CPNE5: variants seen among roughly 807,000 people sequenced by gnomAD.
CPNE5 encodes the protein copine 5.
Under a neutral mutation model 81.1 loss-of-function variants are expected in CPNE5, and 42 were observed. The observed-to-expected ratio is 0.52, with a 90% confidence interval of 0.40 to 0.67. The LOEUF is 0.67. Among genes scored for constraint, CPNE5 ranks in the 30% least tolerant of loss-of-function variants. The pLI is 0.00. For missense variants in CPNE5, 612 were observed against 815.5 expected (o/e 0.75, Z 3.04); for synonymous variants, 313 against 321.5 (o/e 0.97, Z 0.28).
chr6:36,783,964 T>C (rs1233754521), intron 8 of CPNE5, among the ~76,000 whole-genome samples: 2 of 152,228 alleles, frequency 1.3e-5, no homozygotes, highest in African/African-American at 2.4e-5. Context: ...TGACCTCAAG[T>C]CATCAAGATA....
chr6:36,787,511 C>G (rs1376827439), intron 8 of CPNE5, among the ~76,000 whole-genome samples: 1 of 152,082 alleles, frequency 6.6e-6, no homozygotes, highest in African/African-American at 2.4e-5. Context: ...ACACATTTTC[C>G]TTCGGGATAG....
At chr6:36,757,251 T>G in intron 12 of CPNE5, 1 of 855,852 alleles carries the variant, frequency 1.2e-6, no homozygotes, top group Non-Finnish European at 1.4e-6. Flanking sequence ...TTTTCCCTAA[T>G]GTCCCATCAA....
chr6:36,759,538 C>A (rs1218946666), intron 12 of CPNE5, among the ~76,000 whole-genome samples: 1 of 151,960 alleles, frequency 6.6e-6, no homozygotes, highest in East Asian at 1.9e-4. Context: ...TGCAACACAA[C>A]CCCCACCCTG....
chr6:36,792,385 T>G (rs771464045), intron 7 of CPNE5: 1 of 1,474,300 alleles, frequency 6.8e-7, no homozygotes, highest in South Asian at 1.2e-5. Flanking sequence ...TGGAAAAGCA[T>G]CCAGACTCAC....
chr6:36,805,107 GA>G (rs1162354937), intron 3 of CPNE5, among the ~76,000 whole-genome samples: 2 of 152,166 alleles, frequency 1.3e-5, no homozygotes, highest in African/African-American at 2.4e-5. Flanking sequence ...GAACACAACT[GA>G]AGAGACGTTG....
intron 14 of CPNE5, 37 bp downstream of exon 14, chr6:36,752,997 C>T: frequency 6.4e-7 from 1 of 1,559,748 alleles, no homozygotes; most frequent in Non-Finnish European, 8.8e-7. Flanking sequence ...CTTTCCCTCT[C>T]CCCAAGGCCC....
chr6:36,777,067 A>G (rs1767573441), intron 9 of CPNE5, among the ~76,000 whole-genome samples: 1 of 152,180 alleles, frequency 6.6e-6, no homozygotes, highest in African/African-American at 2.4e-5. Flanking sequence ...CACACTTGGA[A>G]TGAAACTTGC....
rs9380597 is a variant in CPNE5 at position 36,761,790 on chromosome 6, A to T, written c.855+1127T>A. 5.0e-3 allele frequency among the ~76,000 whole-genome samples: 754 copies of T among 152,098 alleles called. 4 individuals are homozygous for T. Among genetic ancestry groups the T allele is most frequent in the African/African-American group, 0.017 (700 of 41,468 alleles). On this transcript the variant is annotated intron_variant, in intron 12 of 20. Transcript: ENST00000244751. ...TAAGTGGTAGAGTCAGGATACGAAC[A>T]CAAGCAGTTATTTGGGTTATAAGTA...
chr6:36,763,759 A>G (rs1766284262), intron 11 of CPNE5, among the ~76,000 whole-genome samples: 1 of 152,240 alleles, frequency 6.6e-6, no homozygotes, highest in Non-Finnish European at 1.5e-5. Context: ...CATTAGCAAA[A>G]CATAGATGAA....
At chr6:36,834,254 C>CAAAAA (rs1157250827) in intron 1 of CPNE5, among the ~76,000 whole-genome samples, 1 of 21,684 alleles carries the variant, frequency 4.6e-5, no homozygotes, top group Non-Finnish European at 6.4e-5. Flanking sequence ...GACTGTATCT[C>CAAAAA]AAAAAAAAAA....
rs181411764 is a variant in CPNE5, at chr6:36,823,326, T to A, written c.96-228A>T. On this transcript the variant is annotated intron_variant, in intron 1 of 20. Coordinates refer to ENST00000244751, the MANE Select transcript of CPNE5 (RefSeq NM_020939.2). ...CAGAACTCCCTACCTCCCACCCCTA[T>A]CATCACCACAAGCACTCCGGGTAGG... is the stretch of plus-strand genomic sequence containing the variant. 3.3e-4 allele frequency among the ~76,000 whole-genome samples: 51 copies of A among 152,260 alleles called. 2 individuals are homozygous for A. The East Asian group carries it at 7.5e-3, about 22-fold the overall frequency.
At chr6:36,794,453 C>T in intron 7 of CPNE5, 137 bp downstream of exon 7, 1 of 784,298 alleles carries the variant, frequency 1.3e-6, no homozygotes, top group Non-Finnish European at 2.1e-6. Context: ...TAAGGAGGAA[C>T]CCAGGACTCT....
rs139951579 is a variant in CPNE5 at position 36,763,130 on chromosome 6, G to A, written c.780-138C>T. 1,514 of 742,570 alleles carry A rather than the reference G, an allele frequency of 2.0e-3. 9 individuals carry two copies. The African/African-American group carries it at 0.023, about 11-fold the overall frequency. 46.0% of individuals were successfully genotyped at this position (742,570 alleles called of 1,614,324 possible). On this transcript the variant is annotated intron_variant, in intron 11 of 20. Coordinates refer to ENST00000244751, the MANE Select transcript of CPNE5 (RefSeq NM_020939.2). ...TCCAGGGGCACACGCCAGCAGACAG[G>A]CTGGGTCCGTGGGAAGAGAGCCCAG...
At chr6:36,819,010 G>A (rs1158306379) in intron 3 of CPNE5, among the ~76,000 whole-genome samples, 1 of 152,214 alleles carries the variant, frequency 6.6e-6, no homozygotes, top group African/African-American at 2.4e-5. Context: ...TAGCAATCTG[G>A]TTTATGCTTT....
In CPNE5 at chr6:36,742,976, C is replaced by A. The variant is rs573085934; in HGVS notation, c.1564-490G>T. 3.9e-5 allele frequency: 38 copies of A among 985,384 alleles called. No homozygotes were observed. In the East Asian group the frequency reaches 4.1e-3, roughly 106 times the overall value. 61.0% of individuals were successfully genotyped at this position (985,384 alleles called of 1,614,324 possible). On this transcript the variant is annotated intron_variant, in intron 20 of 20. Coordinates refer to ENST00000244751, the MANE Select transcript of CPNE5 (RefSeq NM_020939.2). ...TCCCGGGGGTGCCCTCCATCCTGAG[C>A]GCCTCTTCTGGCTCACTCCTGCCTC...
At chr6:36,782,816 AACACACACAC>A (rs3997726) in intron 8 of CPNE5, among the ~76,000 whole-genome samples, 13,518 of 126,236 alleles carry the variant, frequency 0.11, 717 homozygotes, top group Middle Eastern at 0.23. Flanking sequence ...CAAAAACCAA[AACACACACAC>A]ACACACACAC....
Position 36,782,816 on chromosome 6 carries a change from AACACACACACACACACACAC to A in CPNE5, c.529-3879_529-3860del, listed in dbSNP as rs3997726. Among the ~76,000 whole-genome samples the A allele has an allele frequency of 4.3e-3, 541 of 126,318 alleles. 3 individuals carry two copies. Among genetic ancestry groups the A allele is most frequent in the Non-Finnish European group, 5.1e-3 (312 of 60,824 alleles). 82.9% of individuals were successfully genotyped at this position (126,318 alleles called of 152,430 possible). ...TCTCAAATAATAAAACAAAAACCAA[AACACACACACACACACACAC>A]ACACACACACACACACACACACACA... is the stretch of plus-strand genomic sequence containing the variant. On this transcript the variant is annotated intron_variant, in intron 8 of 20. Coordinates refer to ENST00000244751, the MANE Select transcript of CPNE5 (RefSeq NM_020939.2).
chr6:36,821,750 C>T (rs3822967), intron 3 of CPNE5, among the ~76,000 whole-genome samples: 18,160 of 152,182 alleles, frequency 0.12, 1,160 homozygotes, highest in East Asian at 0.23. Flanking sequence ...TCAGAAGCCA[C>T]GGGAAGGAAG....
chr6:36,812,271 G>A (rs1195434891), intron 3 of CPNE5, among the ~76,000 whole-genome samples: 1 of 152,220 alleles, frequency 6.6e-6, no homozygotes, highest in Non-Finnish European at 1.5e-5. Flanking sequence ...CCTCATCTGG[G>A]TGTGGTGAGG....
Sources: allele counts gnomAD v4.1 joint callset (sites outside exome capture counted in the v4.1 genomes callset), GRCh38; gene constraint gnomAD v4.1.1; transcripts MANE v1.5; gene names NCBI Gene and HGNC (gene_info 2026-07-23, HGNC 2026-07-21).